HTR4: variants seen among roughly 807,000 people sequenced by gnomAD.
The protein encoded by HTR4 is 5-hydroxytryptamine receptor 4.
Under a neutral mutation model 36.8 loss-of-function variants are expected in HTR4, and 16 were observed. That is an observed-to-expected ratio of 0.43 (90% CI 0.29 to 0.66). The LOEUF is 0.66. Among genes scored for constraint, HTR4 ranks in the 30% least tolerant of loss-of-function variants. The pLI is 0.13. For missense variants in HTR4, 438 were observed against 490.9 expected, an observed-to-expected ratio of 0.89 and a Z score of 1.02; for synonymous variants, 189 against 185.1, an observed-to-expected ratio of 1.02 and a Z score of -0.17.
At chr5:148,459,684 A>G (rs907161683) in intron 5 of HTR4, among the ~76,000 whole-genome samples, 1 of 152,214 alleles carries the variant, frequency 6.6e-6, no homozygotes, top group East Asian at 1.9e-4. Flanking sequence ...TGTCTTTACC[A>G]AAGACATCAT....
chr5:148,462,333 G>A (rs1581336770), intron 5 of HTR4, among the ~76,000 whole-genome samples: 1 of 151,676 alleles, frequency 6.6e-6, no homozygotes, highest in Non-Finnish European at 1.5e-5. Context: ...TGAAAGAAGC[G>A]ACATCACTAT....
intron 6 of HTR4, among the ~76,000 whole-genome samples, chr5:148,486,109 G>T (rs891672693): frequency 6.6e-6 from 1 of 152,314 alleles, no homozygotes; most frequent in African/African-American, 2.4e-5. Context: ...CTAACTCCAT[G>T]AAGGACTCAC....
At chr5:148,466,450 T>C (rs546009855) in intron 5 of HTR4, among the ~76,000 whole-genome samples, 208 of 152,334 alleles carry the variant, frequency 1.4e-3, no homozygotes, top group Admixed American at 3.6e-3. Context: ...TGCAAGTGAA[T>C]TGAAATAGCA....
chr5:148,520,940 C>G lies in HTR4; in HGVS notation c.507+2253G>C, dbSNP rs143789238. The G allele has an allele frequency of 4.5e-5, 61 of 1,367,774 alleles. No individual in the cohort carries two copies. The African/African-American group carries it at 8.5e-4, about 19-fold the overall frequency. The allele number at this position is 1,367,774 out of a possible 1,614,324, so 84.7% of individuals were successfully genotyped here. ...GACATACCGCATGAAAATCCTGGCC[C>G]AGGCCTTGGTTTAGACTCCTTTCCT... On this transcript the variant is annotated intron_variant, in intron 5 of 6. Coordinates refer to ENST00000377888, the MANE Select transcript of HTR4 (RefSeq NM_000870.7).
intron 2 of HTR4, among the ~76,000 whole-genome samples, chr5:148,595,171 G>A (rs1489610685): frequency 1.3e-5 from 2 of 151,334 alleles, no homozygotes; most frequent in Admixed American, 6.6e-5. Flanking sequence ...AGCTAATACA[G>A]ACAGAAAAGA....
intron 2 of HTR4, among the ~76,000 whole-genome samples, chr5:148,625,160 G>A (rs1285189842): frequency 1.3e-5 from 2 of 152,148 alleles, no homozygotes; most frequent in African/African-American, 4.8e-5. Context: ...CAGTCGTCTG[G>A]CTGAAAAATG....
downstream of HTR4, among the ~76,000 whole-genome samples, chr5:148,480,703 C>T (rs1367781551): frequency 2.6e-5 from 4 of 152,266 alleles, no homozygotes; most frequent in Middle Eastern, 3.4e-3. Context: ...TTTAACAAGG[C>T]TCTGGTTTGG....
At chr5:148,519,479 G>A (rs1358812368) in intron 5 of HTR4, among the ~76,000 whole-genome samples, 1 of 152,180 alleles carries the variant, frequency 6.6e-6, no homozygotes, top group African/African-American at 2.4e-5. Flanking sequence ...GTAGGTTTCT[G>A]CCTTGGGCAT....
intron 2 of HTR4, among the ~76,000 whole-genome samples, chr5:148,567,207 A>G (rs1159142544): frequency 1.3e-5 from 2 of 152,118 alleles, no homozygotes; most frequent in African/African-American, 4.8e-5. Flanking sequence ...TAACTTCAAT[A>G]ATTTTTTTTA....
intron 5 of HTR4, among the ~76,000 whole-genome samples, chr5:148,519,419 G>T (rs1321217036): frequency 1.3e-5 from 2 of 152,166 alleles, no homozygotes; most frequent in Admixed American, 1.3e-4. Context: ...AGCAAGCTTA[G>T]CTTTAAAAGC....
chr5:148,631,424 C>A (rs1413162373), intron 2 of HTR4, among the ~76,000 whole-genome samples: 2 of 152,186 alleles, frequency 1.3e-5, no homozygotes, highest in East Asian at 1.9e-4. Flanking sequence ...CACATGTTCA[C>A]AATTCTGACT....
At chr5:148,474,127 C>G (rs373851097), downstream of HTR4, among the ~76,000 whole-genome samples, 10 of 152,282 alleles carry the variant, frequency 6.6e-5, no homozygotes, top group East Asian at 1.5e-3. Flanking sequence ...TGCCCACTCT[C>G]TAGCTGGCTG....
intron 2 of HTR4, among the ~76,000 whole-genome samples, chr5:148,559,463 C>T (rs1403549714): frequency 1.3e-5 from 2 of 152,076 alleles, no homozygotes; most frequent in Non-Finnish European, 2.9e-5. Flanking sequence ...ATAGAAATAA[C>T]AGAATCCATG....
At chr5:148,604,429 T>A (rs1021632829) in intron 2 of HTR4, among the ~76,000 whole-genome samples, 15 of 152,172 alleles carry the variant, frequency 9.9e-5, no homozygotes, top group African/African-American at 3.6e-4. Context: ...TCTTATACTG[T>A]TGCTGGAAAA....
At chr5:148,592,487 G>C (rs1399191237) in intron 2 of HTR4, among the ~76,000 whole-genome samples, 1 of 152,070 alleles carries the variant, frequency 6.6e-6, no homozygotes, top group Non-Finnish European at 1.5e-5. Context: ...ATGTCTTCTA[G>C]TCTGTACTGT....
At chr5:148,521,105 T>A (rs1757992289) in intron 5 of HTR4, 1 of 1,105,334 alleles carries the variant, frequency 9.0e-7, no homozygotes, top group African/African-American at 1.6e-5. Context: ...GGGGACCACT[T>A]CTACAGCAAG....
At chr5:148,598,417 C>T (rs139993246) in intron 2 of HTR4, among the ~76,000 whole-genome samples, 10 of 152,068 alleles carry the variant, frequency 6.6e-5, no homozygotes, top group East Asian at 5.8e-4. Flanking sequence ...TGATGGCACA[C>T]GCCTGAGTCC....
At chr5:148,456,444 T>C (rs1426523474) in intron 5 of HTR4, among the ~76,000 whole-genome samples, 1 of 152,058 alleles carries the variant, frequency 6.6e-6, no homozygotes, top group Non-Finnish European at 1.5e-5. Context: ...GATCTAAACA[T>C]CCTCAATTTG....
Position 148,483,227 on chromosome 5 carries a change from C to T in HTR4, c.1143G>A (p.Val381=). ...QCHPPATSPL[V]AAQPSDT ...CCTAAGTGTCACTGGGCTGAGCAGCCACCAAAGGAGAAGTTGCTGGCGGGT... is the reference window on the plus strand; with the variant it reads ...CCTAAGTGTCACTGGGCTGAGCAGCTACCAAAGGAGAAGTTGCTGGCGGGT... Residue 381 remains valine (V), a synonymous_variant, in exon 7 of 7, where the codon GTG becomes GTA. Coordinates refer to ENST00000377888, the MANE Select transcript of HTR4 (RefSeq NM_000870.7). 6.2e-7 allele frequency: 1 copy of T among 1,614,054 alleles called. No individual in the cohort carries two copies. The highest frequency in any genetic ancestry group is 8.5e-7 in the Non-Finnish European group (1 of 1,179,966).
Sources: gnomAD v4.1 joint callset for allele counts (sites outside exome capture counted in the v4.1 genomes callset) on GRCh38, gnomAD v4.1.1 for gene constraint, MANE v1.5 for transcripts, NCBI Gene and HGNC (gene_info 2026-07-23, HGNC 2026-07-21) for gene names.